The following CAST variants were observed in gnomAD, a reference collection of about 807,000 sequenced individuals.
CAST encodes calpastatin, also known as MIR583 host.
CAST carries 76 observed loss-of-function variants against 119.6 expected under a neutral mutation model. The observed-to-expected ratio is 0.64, with a 90% confidence interval of 0.53 to 0.77. CAST has a LOEUF of 0.77. Ranked by LOEUF, CAST falls within the 30% of genes least tolerant of loss-of-function variation. CAST has a pLI of 0.00. For synonymous variants in CAST, 319 were observed against 331.6 expected (o/e 0.96, Z 0.41); for missense variants, 953 against 946.5 (o/e 1.01, Z -0.09).
the CAST span, among the ~76,000 whole-genome samples, chr5:96,192,297 T>C: frequency 3.3e-3 from 496 of 152,354 alleles, 6 homozygotes; most frequent in African/African-American, 0.011. Context: ...ACTTCTGCTT[T>C]TCCTCTGTCT....
At chr5:96,186,692 G>A in the CAST span, among the ~76,000 whole-genome samples, 1 of 152,164 alleles carries the variant, frequency 6.6e-6, no homozygotes, top group Non-Finnish European at 1.5e-5. Context: ...GCATCCTGAG[G>A]ATGAAGCCTA....
chr5:96,581,494 CAT>C (rs1397387331), intron 1 of CAST, among the ~76,000 whole-genome samples: 3 of 152,172 alleles, frequency 2.0e-5, no homozygotes, highest in African/African-American at 7.2e-5. Context: ...TAAGTGCACA[CAT>C]ATACTTTGGT....
At chr5:96,423,411 T>A in the CAST span, 6 of 1,614,034 alleles carry the variant, frequency 3.7e-6, no homozygotes, top group Non-Finnish European at 5.1e-6. Flanking sequence ...CAAACAGGTA[T>A]CACATGAAGG....
At chr5:96,599,971 A>AAAAAAAAAAG (rs200361886) in intron 1 of CAST, among the ~76,000 whole-genome samples, 4 of 142,636 alleles carry the variant, frequency 2.8e-5, no homozygotes, top group African/African-American at 1.0e-4. Flanking sequence ...TTAGGCAAAA[A>AAAAAAAAAAG]AAAAAAAAAA....
At chr5:96,551,476 A>G (rs946371790) in intron 1 of CAST, among the ~76,000 whole-genome samples, 36 of 152,230 alleles carry the variant, frequency 2.4e-4, no homozygotes, top group African/African-American at 8.7e-4. Context: ...GCCAAATTGT[A>G]AAGACCATCG....
intron 4 of CAST, among the ~76,000 whole-genome samples, chr5:96,725,083 G>C (rs1019313127): frequency 6.6e-6 from 1 of 152,024 alleles, no homozygotes; most frequent in African/African-American, 2.4e-5. Context: ...GAGAATTCTC[G>C]GCAGTCCTGT....
At chr5:96,738,454 T>G (rs1762071192) in intron 11 of CAST, among the ~76,000 whole-genome samples, 1 of 151,958 alleles carries the variant, frequency 6.6e-6, no homozygotes, top group Admixed American at 6.6e-5. Context: ...TAACATTGAG[T>G]TAGCAAACAT....
chr5:96,606,191 G>T (rs1747250633), intron 1 of CAST, among the ~76,000 whole-genome samples: 1 of 152,100 alleles, frequency 6.6e-6, no homozygotes, highest in Non-Finnish European at 1.5e-5. Flanking sequence ...CACTGCCCAG[G>T]GCAGAGTGGG....
the CAST span, among the ~76,000 whole-genome samples, chr5:96,460,505 T>G: frequency 6.6e-6 from 1 of 151,636 alleles, no homozygotes; most frequent in Non-Finnish European, 1.5e-5. Flanking sequence ...GTAACAAACC[T>G]GCACATTCTG....
rs371437457 is a variant in CAST at position 96,683,984 on chromosome 5, C to T, written c.138+8383C>T. ...CATCTGTTGTGAAAGCTTTGAAGAG[C>T]CACACTCACAACTCAGTTAACCTGC... is the stretch of plus-strand genomic sequence containing the variant. On this transcript the variant is annotated intron_variant, in intron 2 of 31. Coordinates refer to ENST00000675179, the MANE Select transcript of CAST (RefSeq NM_001750.7). Among the ~76,000 whole-genome samples, 25 of 152,288 alleles carry T rather than the reference C, an allele frequency of 1.6e-4. 1 individual carries two copies. Among genetic ancestry groups the T allele is most frequent in the African/African-American group, 6.0e-4 (25 of 41,560 alleles).
At chr5:96,615,732 C>T (rs896941851) in intron 1 of CAST, among the ~76,000 whole-genome samples, 2 of 151,938 alleles carry the variant, frequency 1.3e-5, no homozygotes, top group African/African-American at 2.4e-5. Flanking sequence ...AGAGGGGTCC[C>T]GAGAACAGGT....
At chr5:96,541,346 T>C (rs555854154) in intron 1 of CAST, among the ~76,000 whole-genome samples, 211 of 152,152 alleles carry the variant, frequency 1.4e-3, no homozygotes, top group Non-Finnish European at 2.3e-3. Flanking sequence ...AAAAAAAAAA[T>C]TTGAGCACTT....
intron 2 of CAST, among the ~76,000 whole-genome samples, chr5:96,682,626 C>T (rs1456214113): frequency 2.0e-5 from 3 of 152,040 alleles, no homozygotes; most frequent in African/African-American, 7.2e-5. Context: ...TTTCTGATTA[C>T]TCTTTTAAGG....
the CAST span, among the ~76,000 whole-genome samples, chr5:96,018,254 T>G: frequency 6.6e-6 from 1 of 152,176 alleles, no homozygotes; most frequent in Non-Finnish European, 1.5e-5. Flanking sequence ...GAAAAACTAT[T>G]TTGAAATCTA....
chr5:96,762,173 AAC>A, intron 24 of CAST, 99 bp from the exon 25 acceptor site: 1 of 597,294 alleles, frequency 1.7e-6, no homozygotes, highest in East Asian at 3.0e-5. Context: ...CAAGAGAATA[AAC>A]AGTCATTAAG....
At chr5:96,626,560 T>C (rs72772045) in intron 1 of CAST, among the ~76,000 whole-genome samples, 13,465 of 152,246 alleles carry the variant, frequency 0.088, 777 homozygotes, top group Non-Finnish European at 0.13. Context: ...ATTCCTCTGA[T>C]GAAGCCCCAC....
intron 1 of CAST, among the ~76,000 whole-genome samples, chr5:96,540,763 C>G (rs946063364): frequency 1.3e-5 from 2 of 152,246 alleles, no homozygotes; most frequent in Admixed American, 1.3e-4. Flanking sequence ...TTCTGATGAC[C>G]TTGACAGTTA....
chr5:96,047,817 A>G, the CAST span, among the ~76,000 whole-genome samples: 1 of 152,168 alleles, frequency 6.6e-6, no homozygotes, highest in Non-Finnish European at 1.5e-5. Context: ...TGTGACAAGC[A>G]CTGTGGAGAA....
At chr5:96,291,903 G>A in the CAST span, among the ~76,000 whole-genome samples, 2 of 145,560 alleles carry the variant, frequency 1.4e-5, no homozygotes, top group South Asian at 2.2e-4. Flanking sequence ...AAGGTGTGCC[G>A]ATGACAGATA....
Sources: gnomAD v4.1 joint callset for allele counts (sites outside exome capture counted in the v4.1 genomes callset) on GRCh38, gnomAD v4.1.1 for gene constraint, MANE v1.5 for transcripts, NCBI Gene and HGNC (gene_info 2026-07-23, HGNC 2026-07-21) for gene names.